TP53BP1: variants seen among roughly 807,000 people sequenced by gnomAD.
The protein encoded by TP53BP1 is tumor protein p53 binding protein 1.
In TP53BP1, 61 loss-of-function variants were observed where a neutral mutation model predicts 200.8. The observed-to-expected ratio is 0.30, with a 90% CI of 0.25 to 0.38. The LOEUF is 0.38. Ranked by LOEUF, TP53BP1 falls within the 10% of genes least tolerant of loss-of-function variation. The pLI is 1.00. For synonymous variants in TP53BP1, 822 were observed against 844.3 expected (o/e 0.97, Z 0.46); for missense variants, 2,144 against 2,371.9 (o/e 0.90, Z 2.00).
At chr15:43,497,301 A>T, upstream of TP53BP1, 1 of 421,080 alleles carries the variant, frequency 2.4e-6, no homozygotes, top group Non-Finnish European at 3.2e-6. Flanking sequence ...AATCACTTGA[A>T]CCTGGGAGGC....
At chr15:43,471,735 G>A (rs2046730730) in intron 10 of TP53BP1, among the ~76,000 whole-genome samples, 1 of 152,066 alleles carries the variant, frequency 6.6e-6, no homozygotes, top group Non-Finnish European at 1.5e-5. Context: ...GCCTGAGAAA[G>A]TATATTTAAT....
chr15:43,437,308 A>G (rs1158999885), intron 16 of TP53BP1, among the ~76,000 whole-genome samples: 1 of 152,246 alleles, frequency 6.6e-6, no homozygotes. Context: ...CAAAATAAGA[A>G]AAACTAATCT....
At chr15:43,510,538 G>A (rs1377823783) in exon 1 of TP53BP1, 3 of 159,444 alleles carry the variant, frequency 1.9e-5, no homozygotes, top group African/African-American at 7.2e-5. Context: ...GCCAAACAAC[G>A]ATAATACAGA....
rs2046074172 is a variant in TP53BP1, at chr15:43,447,599, T to C, written c.2717-114A>G. 7 of 1,066,186 alleles carry C rather than the reference T, an allele frequency of 6.6e-6. No individual in the cohort carries two copies. The South Asian group carries it at 1.3e-4, about 20-fold the overall frequency. 66.0% of individuals were successfully genotyped at this position (1,066,186 alleles called of 1,614,324 possible). A position where few individuals can be genotyped will look rare whatever the true frequency, so the allele number is the denominator to read the frequency against. ...TGCAAGAAATATTTCAATCACTCTTTTCCTTTGCTCCCAAATTCTGTCTCA... is the reference window on the plus strand; with the variant it reads ...TGCAAGAAATATTTCAATCACTCTTCTCCTTTGCTCCCAAATTCTGTCTCA... On this transcript the variant is annotated intron_variant, in intron 12 of 27. Coordinates refer to ENST00000382044, the MANE Select transcript of TP53BP1 (RefSeq NM_001141980.3).
intron 18 of TP53BP1, among the ~76,000 whole-genome samples, chr15:43,426,904 G>A (rs554745524): frequency 3.3e-5 from 5 of 150,906 alleles, no homozygotes; most frequent in Admixed American, 3.3e-4. Context: ...TGCAATCCCA[G>A]CGACTTGGGA....
intron 14 of TP53BP1, among the ~76,000 whole-genome samples, chr15:43,443,976 C>T (rs2045986609): frequency 6.6e-6 from 1 of 152,314 alleles, no homozygotes; most frequent in South Asian, 2.1e-4. Context: ...AGAAACCTGG[C>T]TCACACCCTG....
At chr15:43,477,809 T>C (rs188377350) in intron 7 of TP53BP1, 50 bp from the exon 8 acceptor site, 3 of 1,390,462 alleles carry the variant, frequency 2.2e-6, no homozygotes, top group East Asian at 4.9e-5. Context: ...TCAAATGTTT[T>C]TAAATAAAAA....
At chr15:43,420,259 C>T (rs1227237580) in intron 21 of TP53BP1, 46 bp downstream of exon 21, 2 of 1,560,488 alleles carry the variant, frequency 1.3e-6, no homozygotes, top group Admixed American at 1.7e-5. Flanking sequence ...AGTATTATTG[C>T]CCCAAGGCAC....
upstream of TP53BP1, among the ~76,000 whole-genome samples, chr15:43,495,431 G>T (rs760995926): frequency 6.6e-6 from 1 of 151,286 alleles, no homozygotes; most frequent in Admixed American, 6.6e-5. Flanking sequence ...CCCTGGAGGC[G>T]TAGGTTACAG....
intron 12 of TP53BP1, 29 bp from the exon 13 acceptor site, chr15:43,447,514 A>G: frequency 1.4e-6 from 2 of 1,459,852 alleles, no homozygotes; most frequent in Admixed American, 2.5e-5. Context: ...AGAAAAAAGA[A>G]AGAAAGAAAA....
intron 20 of TP53BP1, 84 bp downstream of exon 20, chr15:43,420,941 A>G (rs1242696245): frequency 3.3e-6 from 5 of 1,508,008 alleles, no homozygotes; most frequent in African/African-American, 1.4e-5. Context: ...CCCTCCTGAC[A>G]CCCCACAAAC....
At chr15:43,468,661 G>GTATT (rs10629746) in intron 11 of TP53BP1, among the ~76,000 whole-genome samples, 69,187 of 151,634 alleles carry the variant, frequency 0.46, 20,379 homozygotes, top group African/African-American at 0.84. Flanking sequence ...CTTATATGCA[G>GTATT]TACCAAGTGC....
intron 10 of TP53BP1, among the ~76,000 whole-genome samples, chr15:43,470,410 G>A (rs1372917999): frequency 6.6e-6 from 1 of 152,116 alleles, no homozygotes; most frequent in Non-Finnish European, 1.5e-5. Context: ...CCAAACTACT[G>A]GTACCTAATT....
intron 1 of TP53BP1, among the ~76,000 whole-genome samples, chr15:43,503,612 T>C (rs769024600): frequency 6.6e-6 from 1 of 152,052 alleles, no homozygotes; most frequent in Non-Finnish European, 1.5e-5. Flanking sequence ...TAAGCAGAGA[T>C]GACGCCACTA....
chr15:43,504,739 G>T (rs1182820321), intron 1 of TP53BP1, among the ~76,000 whole-genome samples: 1 of 152,232 alleles, frequency 6.6e-6, no homozygotes, highest in Non-Finnish European at 1.5e-5. Context: ...GATATTTGCG[G>T]CCAGGCACGG....
intron 12 of TP53BP1, among the ~76,000 whole-genome samples, chr15:43,454,698 A>G (rs1209364517): frequency 6.6e-6 from 1 of 150,800 alleles, no homozygotes; most frequent in African/African-American, 2.4e-5. Flanking sequence ...AGAAAGATTG[A>G]ATTATTTTCA....
intron 12 of TP53BP1, among the ~76,000 whole-genome samples, chr15:43,455,471 A>T (rs1296488629): frequency 6.6e-6 from 1 of 152,254 alleles, no homozygotes; most frequent in African/African-American, 2.4e-5. Flanking sequence ...CTGTAATCCC[A>T]GCACTTTGGA....
At chr15:43,451,523 T>C (rs1442621873) in intron 12 of TP53BP1, among the ~76,000 whole-genome samples, 1 of 152,218 alleles carries the variant, frequency 6.6e-6, no homozygotes, top group Non-Finnish European at 1.5e-5. Flanking sequence ...CTCATCATTT[T>C]TTATGGCTGC....
chr15:43,436,690 C>T (rs1341242550), intron 16 of TP53BP1, among the ~76,000 whole-genome samples: 2 of 151,406 alleles, frequency 1.3e-5, no homozygotes, highest in Non-Finnish European at 2.9e-5. Context: ...ACTATGTCAC[C>T]CAGGCTCATC....
Sources: gnomAD v4.1 joint callset for allele counts (sites outside exome capture counted in the v4.1 genomes callset) on GRCh38, gnomAD v4.1.1 for gene constraint, MANE v1.5 for transcripts, NCBI Gene and HGNC (gene_info 2026-07-23, HGNC 2026-07-21) for gene names.